The following GPHN variants were observed in gnomAD, a reference collection of about 807,000 sequenced individuals.
GPHN encodes gephyrin.
Under a neutral mutation model 95.5 loss-of-function variants are expected in GPHN, and 17 were observed. That is an observed-to-expected ratio of 0.18 (90% CI 0.12 to 0.27). The LOEUF is 0.27. Ranked by LOEUF, GPHN falls within the 10% of genes least tolerant of loss-of-function variation. The pLI, the probability that GPHN is intolerant of heterozygous loss-of-function variation, is 1.00. For missense variants in GPHN, 660 were observed against 978.1 expected (o/e 0.67, Z 4.34); for synonymous variants, 320 against 322.5 (o/e 0.99, Z 0.08).
At position 66,671,639 on chromosome 14, in the gene GPHN, T is replaced by C. The variant is rs2066311108; in HGVS notation, c.65-9468T>C. ...GTTTCTCTTTTTGAATTTTTAAATG[T>C]ATATGTAAAGGCTTTATTAATTATT... On this transcript the variant is annotated intron_variant, in intron 1 of 22. Coordinates refer to ENST00000478722, the MANE Select transcript of GPHN (RefSeq NM_020806.5). Among the ~76,000 whole-genome samples the C allele has an allele frequency of 2.0e-5, 3 of 152,200 alleles. No individual in the cohort carries two copies. In the South Asian group the frequency reaches 6.2e-4, roughly 31 times the overall value.
At chr14:66,964,516 G>A (rs1372817711) in intron 8 of GPHN, among the ~76,000 whole-genome samples, 1 of 152,152 alleles carries the variant, frequency 6.6e-6, no homozygotes, top group Non-Finnish European at 1.5e-5. Context: ...GGAATGCCTG[G>A]GATTAGTAAC....
chr14:67,559,989 C>A, the GPHN span, among the ~76,000 whole-genome samples: 1 of 152,240 alleles, frequency 6.6e-6, no homozygotes, highest in African/African-American at 2.4e-5. Context: ...CCCACACAGG[C>A]CAGTGTCCAC....
At chr14:67,128,565 T>A (rs970109893) in intron 17 of GPHN, among the ~76,000 whole-genome samples, 3 of 152,214 alleles carry the variant, frequency 2.0e-5, no homozygotes, top group Admixed American at 1.3e-4. Flanking sequence ...GGTATTTATA[T>A]GTAGAAATAC....
At chr14:67,673,901 C>T in the GPHN span, among the ~76,000 whole-genome samples, 2 of 152,302 alleles carry the variant, frequency 1.3e-5, no homozygotes, top group Admixed American at 6.5e-5. Context: ...GTTTTAAAGG[C>T]CAGCTCTCTA....
the GPHN span, chr14:67,208,339 C>T: frequency 6.2e-7 from 1 of 1,613,940 alleles, no homozygotes; most frequent in Non-Finnish European, 8.5e-7. Context: ...TTCAAACTAC[C>T]TTGACCCCAG....
intron 4 of GPHN, among the ~76,000 whole-genome samples, chr14:66,860,092 C>T (rs955239538): frequency 4.0e-5 from 6 of 151,852 alleles, no homozygotes; most frequent in African/African-American, 1.5e-4. Flanking sequence ...TTCCAAACCT[C>T]GAGAAAAATA....
Position 66,676,962 on chromosome 14 carries a change from G to A in GPHN, c.65-4145G>A, listed in dbSNP as rs559144849. Among the ~76,000 whole-genome samples the A allele has an allele frequency of 6.6e-5, 10 of 151,844 alleles. No individual in the cohort carries two copies. In the East Asian group the frequency reaches 9.6e-4, roughly 15 times the overall value. On this transcript the variant is annotated intron_variant, in intron 1 of 22. Transcript: ENST00000478722. Reference sequence around the variant, plus strand: ...ACTTTTTTATTGCCAGTTTAATCTCGTTACTCATTATTGATCTGCTCAGGT... The same window carrying A: ...ACTTTTTTATTGCCAGTTTAATCTCATTACTCATTATTGATCTGCTCAGGT...
intron 2 of GPHN, chr14:66,760,798 A>G: frequency 2.0e-6 from 1 of 508,028 alleles, no homozygotes; most frequent in South Asian, 1.5e-5. Context: ...GAATAAAAGT[A>G]TTGATGCAAT....
chr14:67,648,405 A>G, the GPHN span: 1 of 401,804 alleles, frequency 2.5e-6, no homozygotes, highest in Admixed American at 4.3e-5. Context: ...GGTAATAATG[A>G]GTAAAAAATT....
chr14:66,721,752 A>G (rs564022670), intron 2 of GPHN, among the ~76,000 whole-genome samples: 1 of 152,198 alleles, frequency 6.6e-6, no homozygotes, highest in South Asian at 2.1e-4. Flanking sequence ...GGAGTTTGAG[A>G]CCAGTCTGGC....
chr14:66,916,332 G>A (rs993106526), intron 6 of GPHN, among the ~76,000 whole-genome samples: 3 of 152,096 alleles, frequency 2.0e-5, no homozygotes, highest in Non-Finnish European at 4.4e-5. Flanking sequence ...ATAAGACAAC[G>A]TCCAGGAATA....
At chr14:67,239,594 G>A in the GPHN span, among the ~76,000 whole-genome samples, 3 of 152,124 alleles carry the variant, frequency 2.0e-5, no homozygotes, top group Non-Finnish European at 4.4e-5. Context: ...GGTTGCTCAC[G>A]CCTGTAATCC....
the GPHN span, chr14:67,382,378 C>T: frequency 4.3e-6 from 6 of 1,410,106 alleles, no homozygotes; most frequent in African/African-American, 1.5e-5. Flanking sequence ...TTAATAAAAT[C>T]TCAAGCATCC....
the GPHN span, chr14:67,208,283 G>A: frequency 6.2e-7 from 1 of 1,613,972 alleles, no homozygotes. Flanking sequence ...CTCAAAACAT[G>A]TCACCATCTC....
chr14:67,389,654 G>A, the GPHN span, among the ~76,000 whole-genome samples: 8 of 152,094 alleles, frequency 5.3e-5, no homozygotes, highest in East Asian at 9.6e-4. Context: ...GTATGTGTGT[G>A]TATATATTTT....
At chr14:66,850,900 G>A (rs1567019041) in intron 4 of GPHN, among the ~76,000 whole-genome samples, 1 of 151,870 alleles carries the variant, frequency 6.6e-6, no homozygotes, top group Non-Finnish European at 1.5e-5. Context: ...ATGATAATGA[G>A]ATTTTAAAAA....
the GPHN span, among the ~76,000 whole-genome samples, chr14:67,262,724 A>G: frequency 6.6e-6 from 1 of 152,170 alleles, no homozygotes; most frequent in Non-Finnish European, 1.5e-5. Flanking sequence ...TTGCAGGAGA[A>G]AATTCAAACA....
chr14:67,420,302 T>C, the GPHN span, among the ~76,000 whole-genome samples: 17 of 152,304 alleles, frequency 1.1e-4, no homozygotes, highest in Admixed American at 8.5e-4. Flanking sequence ...CTCTGGGAGA[T>C]GCTGCCCGCC....
chr14:67,097,547 C>T (rs1163682368), intron 12 of GPHN, among the ~76,000 whole-genome samples: 3 of 151,752 alleles, frequency 2.0e-5, no homozygotes, highest in Non-Finnish European at 4.4e-5. Context: ...CTCCCTTTGT[C>T]TCTCCCCACC....
Sources: gnomAD v4.1 joint callset for allele counts (sites outside exome capture counted in the v4.1 genomes callset) on GRCh38, gnomAD v4.1.1 for gene constraint, MANE v1.5 for transcripts, NCBI Gene and HGNC (gene_info 2026-07-23, HGNC 2026-07-21) for gene names.